Variants in PINK1 observed in about 807,000 individuals in gnomAD.
PINK1 encodes the protein serine/threonine-protein kinase PINK1, mitochondrial.
Under a neutral mutation model 56.0 loss-of-function variants are expected in PINK1, and 58 were observed. The observed-to-expected ratio is 1.04, with a 90% CI of 0.84 to 1.29. PINK1 has a LOEUF of 1.29. Among genes scored for constraint, PINK1 ranks in the 50% most tolerant of loss-of-function variants. The pLI is 0.00. For missense variants in PINK1, 745 were observed against 777.9 expected, an observed-to-expected ratio of 0.96 and a Z score of 0.50; for synonymous variants, 354 against 339.3, an observed-to-expected ratio of 1.04 and a Z score of -0.48.
At chr1:20,639,867 C>G in intron 2 of PINK1, 25 bp from the exon 3 acceptor site, 3 of 1,601,392 alleles carry the variant, frequency 1.9e-6, no homozygotes, top group Non-Finnish European at 2.6e-6. Context: ...CCTGTGTAAC[C>G]CTGGGTTCCT....
chr1:20,644,810 A>G, intron 4 of PINK1, 138 bp downstream of exon 4: 1 of 1,169,328 alleles, frequency 8.6e-7, no homozygotes, highest in Non-Finnish European at 1.2e-6. Context: ...AGCCATGCAA[A>G]GGGAACATAT....
intron 3 of PINK1, among the ~76,000 whole-genome samples, chr1:20,642,151 G>A (rs1383031254): frequency 2.6e-5 from 4 of 152,266 alleles, no homozygotes; most frequent in East Asian, 1.9e-4. Context: ...GGGAGAGGCC[G>A]GTGCCCTGCT....
chr1:20,637,767 T>G, intron 1 of PINK1, 75 bp from the exon 2 acceptor site: 1 of 1,560,140 alleles, frequency 6.4e-7, no homozygotes, highest in Non-Finnish European at 8.8e-7. Flanking sequence ...TGCACCTCTC[T>G]CTGCCTCCCC....
intron 1 of PINK1, among the ~76,000 whole-genome samples, 162 bp downstream of exon 1, chr1:20,634,097 G>A (rs2053029120): frequency 6.6e-6 from 1 of 152,128 alleles, no homozygotes; most frequent in African/African-American, 2.4e-5. Context: ...ATTACTGATC[G>A]GCTGCTATAA....
At chr1:20,643,928 A>G (rs1355608901) in intron 3 of PINK1, among the ~76,000 whole-genome samples, 2 of 152,338 alleles carry the variant, frequency 1.3e-5, no homozygotes, top group South Asian at 2.1e-4. Context: ...ACACATACCT[A>G]TGGTAAAGTT....
At chr1:20,648,741 C>G in intron 6 of PINK1, 109 bp downstream of exon 6, 1 of 1,536,980 alleles carries the variant, frequency 6.5e-7, no homozygotes, top group South Asian at 1.2e-5. Context: ...CTTTTCTGAC[C>G]CATAATTTGG....
intron 3 of PINK1, among the ~76,000 whole-genome samples, chr1:20,640,825 C>A (rs1248659009): frequency 6.6e-6 from 1 of 152,122 alleles, no homozygotes; most frequent in Non-Finnish European, 1.5e-5. Flanking sequence ...ATCACTTGAG[C>A]CCAGGAGTTC....
rs1455612784 is a variant in PINK1, at chr1:20,650,934, G to A, written c.*243G>A. 10 of 564,024 alleles carry A rather than the reference G, an allele frequency of 1.8e-5. No homozygotes were observed. Among genetic ancestry groups the A allele is most frequent in the Non-Finnish European group, 3.2e-5 (10 of 315,732 alleles). The allele number at this position is 564,024 out of a possible 1,614,324, so 34.9% of individuals were successfully genotyped here. ...GTCTAGTAGATGAGGCTGGACTGAG[G>A]AGGGGTAGGCCTGCATCCACAGAGA... On this transcript the variant is annotated 3_prime_UTR_variant, in exon 8 of 8. Transcript: ENST00000321556.
At chr1:20,650,075 G>A (rs1240265011) in intron 7 of PINK1, 2 of 361,574 alleles carry the variant, frequency 5.5e-6, no homozygotes, top group Admixed American at 3.8e-5. Context: ...CTGCTATCTT[G>A]GTGCGCAGTG....
At position 20,648,426 on chromosome 1, in the gene PINK1, G is replaced by A; in HGVS notation, c.1124-79G>A. 4 of 1,593,978 alleles carry A rather than the reference G, an allele frequency of 2.5e-6. No individual in the cohort carries two copies. The Middle Eastern group carries it at 5.0e-4, about 198-fold the overall frequency. On this transcript the variant is annotated intron_variant, in intron 5 of 7. Coordinates refer to ENST00000321556, the MANE Select transcript of PINK1 (RefSeq NM_032409.3). The stretch of plus-strand genomic sequence containing the variant: ...CCCCTGTCAGCTATGTCTTGCTGGT[G>A]GCTTTAGTAGGGACATAGGAGGGCC...
At chr1:20,647,053 A>AT (rs71585775) in intron 5 of PINK1, among the ~76,000 whole-genome samples, 1,859 of 91,438 alleles carry the variant, frequency 0.02, 66 homozygotes, top group African/African-American at 0.038. Flanking sequence ...CTAATTTTTG[A>AT]TTTTTTTTTT....
rs1488635869 is a variant in PINK1 at position 20,633,826 on chromosome 1, C to T, written c.278C>T (p.Ala93Val). 3.2e-6 allele frequency: 5 copies of T among 1,576,840 alleles called. No individual in the cohort carries two copies. The highest frequency in any genetic ancestry group is 4.3e-6 in the Non-Finnish European group (5 of 1,164,988). The change falls in exon 1 of 8, where the codon GCG (alanine) becomes GTG (valine). Residue 93 changes from alanine to valine, a missense_variant. Ala to Val is a moderately conservative substitution (Grantham distance 64). Transcript: ENST00000321556. ...TTCGTGGTGCGGGCCTGGGGCTGCGCGGGCCCTTGCGGCCGGGCAGTCTTT... is the reference window on the plus strand; with the variant it reads ...TTCGTGGTGCGGGCCTGGGGCTGCGTGGGCCCTTGCGGCCGGGCAGTCTTT... ...RQFVVRAWGCAGPCGRAVFLA... is the reference protein window; with the variant it reads ...RQFVVRAWGCVGPCGRAVFLA...
At chr1:20,647,088 G>A (rs1425242218) in intron 5 of PINK1, among the ~76,000 whole-genome samples, 3 of 133,296 alleles carry the variant, frequency 2.3e-5, no homozygotes, top group African/African-American at 5.7e-5. Context: ...ACTGAGTCTC[G>A]CTCTGTCACC....
At chr1:20,648,778 T>A in intron 6 of PINK1, 146 bp downstream of exon 6, 1 of 1,434,396 alleles carries the variant, frequency 7.0e-7, no homozygotes, top group Non-Finnish European at 9.5e-7. Context: ...GCCACTTTGC[T>A]TTCCTCCGGC....
Position 20,639,952 on chromosome 1 carries a change from C to A in PINK1, c.736C>A (p.Arg246=), listed in dbSNP as rs74315357. Residue 246 remains arginine (R), a synonymous_variant, in exon 3 of 8, where the codon CGA becomes AGA. Transcript: ENST00000321556. ...TMSQELVPAS[R]VALAGEYGAV... Reference sequence around the variant, plus strand: ...GAGCCAGGAGCTGGTCCCAGCGAGCCGAGTGGCCTTGGCTGGGGAGTATGG... The same window carrying A: ...GAGCCAGGAGCTGGTCCCAGCGAGCAGAGTGGCCTTGGCTGGGGAGTATGG... The A allele has an allele frequency of 1.1e-5, 18 of 1,612,750 alleles. No homozygotes were observed. In the Admixed American group the frequency reaches 2.8e-4, roughly 25 times the overall value.
chr1:20,638,145 T>C lies in PINK1; in HGVS notation c.675+16T>C. ...GAACATCTCGGTAAGCACCAGGCCT[T>C]TCATCTTTAAAGGAGATGTTCTCAA... On this transcript the variant is annotated intron_variant, in intron 2 of 7. Transcript: ENST00000321556. 1 of 1,607,056 alleles carries C rather than the reference T, an allele frequency of 6.2e-7. No individual in the cohort carries two copies. Among genetic ancestry groups the C allele is most frequent in the Non-Finnish European group, 8.5e-7 (1 of 1,179,738 alleles).
In PINK1 at chr1:20,633,852, C is replaced by G; in HGVS notation, c.304C>G (p.Leu102Val). 1 of 1,578,838 alleles carries G rather than the reference C, an allele frequency of 6.3e-7. No homozygotes were observed. Among genetic ancestry groups the G allele is most frequent in the Non-Finnish European group, 8.6e-7 (1 of 1,164,994 alleles). Residue 102 changes from leucine (L) to valine (V), a missense_variant, in exon 1 of 8, where the codon CTG becomes GTG. Physicochemically the swap from Leu to Val is conservative, Grantham distance 32 (BLOSUM62 1). Transcript: ENST00000321556. ...GGGCCCTTGCGGCCGGGCAGTCTTT[C>G]TGGCCTTCGGGCTAGGGCTGGGCCT... ...CAGPCGRAVF[L>V]AFGLGLGLIE...
Position 20,633,648 on chromosome 1 carries a change from CCGGGCCCGGCGG to C in PINK1, c.106_117del (p.Pro36_Gly39del). ...CGGCCGGGCCTACGGCTTGGGGCGG[CCGGGCCCGGCGG>C]CGGGCTGTGTCCGCGGGGAGCGTCC... On this transcript the variant is annotated inframe_deletion, in exon 1 of 8. Coordinates refer to ENST00000321556, the MANE Select transcript of PINK1 (RefSeq NM_032409.3). The C allele has an allele frequency of 7.5e-7, 1 of 1,330,730 alleles. No individual in the cohort carries two copies. The highest frequency in any genetic ancestry group is 9.5e-7 in the Non-Finnish European group (1 of 1,049,836). 82.4% of individuals were successfully genotyped at this position (1,330,730 alleles called of 1,614,324 possible). A position where few individuals can be genotyped will look rare whatever the true frequency, so the allele number is the denominator to read the frequency against.
chr1:20,651,502 C>T lies in PINK1; in HGVS notation c.*811C>T, dbSNP rs567546379. 6.6e-6 allele frequency: 1 copy of T among 152,456 alleles called. No individual in the cohort carries two copies. Among genetic ancestry groups the T allele is most frequent in the African/African-American group, 2.4e-5 (1 of 41,574 alleles). The allele number at this position is 152,456 out of a possible 1,614,324, so 9.4% of individuals were successfully genotyped here. A position where few individuals can be genotyped will look rare whatever the true frequency, so the allele number is the denominator to read the frequency against. ...AGCGTCAACATGCAGTAAAGGTTGT[C>T]TTCAACTGAGCTGTTCTAGTTTTCT... On this transcript the variant is annotated 3_prime_UTR_variant, in exon 8 of 8. Transcript: ENST00000321556.
Sources: allele counts gnomAD v4.1 joint callset (sites outside exome capture counted in the v4.1 genomes callset), GRCh38; gene constraint gnomAD v4.1.1; transcripts MANE v1.5; gene names NCBI Gene and HGNC (gene_info 2026-07-23, HGNC 2026-07-21).